LRP1B: variants seen among roughly 807,000 people sequenced by gnomAD.
The protein encoded by LRP1B is low-density lipoprotein receptor-related protein 1B.
A neutral mutation model predicts 556.6 loss-of-function variants in LRP1B; 217 were observed. The observed-to-expected ratio is 0.39, with a 90% confidence interval of 0.35 to 0.44. The LOEUF (loss-of-function observed/expected upper bound fraction) is 0.44. LRP1B is among the 20% of genes least tolerant of loss of function. LRP1B has a pLI of 1.00. For missense variants in LRP1B, 5,053 were observed against 5,620.8 expected (o/e 0.90, Z 3.23); for synonymous variants, 2,047 against 1,865.8 (o/e 1.10, Z -2.50).
intron 1 of LRP1B, among the ~76,000 whole-genome samples, chr2:141,913,572 A>C (rs1364918661): frequency 2.0e-5 from 3 of 151,992 alleles, no homozygotes; most frequent in Non-Finnish European, 2.9e-5. Flanking sequence ...TTCCTACCTC[A>C]TCTTAGCAGA....
At chr2:141,355,489 G>A (rs1209942728) in intron 3 of LRP1B, among the ~76,000 whole-genome samples, 4 of 151,714 alleles carry the variant, frequency 2.6e-5, no homozygotes, top group African/African-American at 9.7e-5. Flanking sequence ...CCATCCCCTG[G>A]CAACCACTAA....
intron 7 of LRP1B, among the ~76,000 whole-genome samples, chr2:141,083,587 G>A (rs1699977847): frequency 6.6e-6 from 1 of 152,160 alleles, no homozygotes; most frequent in African/African-American, 2.4e-5. Flanking sequence ...GATGTTAAAA[G>A]GTGATGCCTT....
intron 3 of LRP1B, among the ~76,000 whole-genome samples, chr2:141,405,026 G>A (rs1424060078): frequency 6.6e-6 from 1 of 152,028 alleles, no homozygotes; most frequent in Non-Finnish European, 1.5e-5. Context: ...CGGGGCGGCA[G>A]AGCTTGAAGT....
chr2:140,728,546 T>A (rs1049229796), intron 35 of LRP1B, among the ~76,000 whole-genome samples: 1 of 152,206 alleles, frequency 6.6e-6, no homozygotes, highest in South Asian at 2.1e-4. Flanking sequence ...TTCACTTTTA[T>A]TTTTCAGTAA....
intron 2 of LRP1B, among the ~76,000 whole-genome samples, chr2:141,760,481 A>G (rs958560298): frequency 6.6e-6 from 1 of 152,190 alleles, no homozygotes; most frequent in Non-Finnish European, 1.5e-5. Context: ...ATTTAAAGAA[A>G]TTTATTATTT....
At chr2:140,445,875 A>G (rs907651968) in intron 63 of LRP1B, among the ~76,000 whole-genome samples, 1 of 152,184 alleles carries the variant, frequency 6.6e-6, no homozygotes, top group Non-Finnish European at 1.5e-5. Context: ...ATTTTAATGC[A>G]TATTACTGAT....
intron 1 of LRP1B, among the ~76,000 whole-genome samples, chr2:141,896,080 T>A (rs1175636595): frequency 1.3e-5 from 2 of 152,156 alleles, no homozygotes; most frequent in African/African-American, 2.4e-5. Context: ...TTCCAAATAG[T>A]TCTTAGAGCT....
chr2:140,823,082 A>G (rs896662436), intron 31 of LRP1B, among the ~76,000 whole-genome samples: 1 of 152,218 alleles, frequency 6.6e-6, no homozygotes, highest in Non-Finnish European at 1.5e-5. Flanking sequence ...AAAGATCTCA[A>G]TAAGTGCATG....
chr2:141,633,334 G>T (rs530344799), intron 2 of LRP1B, among the ~76,000 whole-genome samples: 5 of 152,206 alleles, frequency 3.3e-5, no homozygotes, highest in Admixed American at 6.5e-5. Flanking sequence ...TATAAGGAAA[G>T]AACTATAAAC....
intron 41 of LRP1B, among the ~76,000 whole-genome samples, chr2:140,608,389 C>T (rs903032580): frequency 6.6e-6 from 1 of 152,162 alleles, no homozygotes; most frequent in African/African-American, 2.4e-5. Flanking sequence ...CTTCTTGTAG[C>T]CAAGGCATTG....
intron 7 of LRP1B, among the ~76,000 whole-genome samples, chr2:141,073,271 T>C (rs1330672543): frequency 6.6e-6 from 1 of 152,072 alleles, no homozygotes; most frequent in African/African-American, 2.4e-5. Context: ...TATTTTCATA[T>C]GGTTAAAACA....
intron 20 of LRP1B, among the ~76,000 whole-genome samples, chr2:140,940,018 T>C (rs1695350207): frequency 6.6e-6 from 1 of 151,730 alleles, no homozygotes; most frequent in East Asian, 2.0e-4. Context: ...CCAGAGTAGC[T>C]GAGACTACAG....
At chr2:141,248,357 T>C (rs570907697) in intron 4 of LRP1B, among the ~76,000 whole-genome samples, 1 of 152,276 alleles carries the variant, frequency 6.6e-6, no homozygotes, top group East Asian at 1.9e-4. Context: ...AATATAATTA[T>C]GATACTATAC....
chr2:140,851,905 G>A, intron 27 of LRP1B, 122 bp from the exon 28 acceptor site: 1 of 698,598 alleles, frequency 1.4e-6, no homozygotes, highest in East Asian at 3.0e-5. Flanking sequence ...GAACCCATTA[G>A]TAGGGTGATT....
chr2:140,345,124 G>A (rs1681586190), intron 77 of LRP1B, among the ~76,000 whole-genome samples: 1 of 151,664 alleles, frequency 6.6e-6, no homozygotes, highest in African/African-American at 2.4e-5. Context: ...ATTGTAGTGT[G>A]TTAAGCAGCA....
chr2:140,907,347 G>C (rs1175537310), intron 22 of LRP1B, among the ~76,000 whole-genome samples: 1 of 152,036 alleles, frequency 6.6e-6, no homozygotes, highest in Non-Finnish European at 1.5e-5. Flanking sequence ...ATTTTAACTA[G>C]ATAAGGCATA....
At chr2:141,849,503 T>C (rs1287415828) in intron 1 of LRP1B, among the ~76,000 whole-genome samples, 2 of 151,682 alleles carry the variant, frequency 1.3e-5, no homozygotes, top group Non-Finnish European at 3.0e-5. Flanking sequence ...TGTTCCATTT[T>C]TTAACTTTCA....
intron 7 of LRP1B, among the ~76,000 whole-genome samples, chr2:141,165,081 T>C (rs983924479): frequency 2.0e-5 from 3 of 152,028 alleles, no homozygotes; most frequent in African/African-American, 7.2e-5. Flanking sequence ...TAGATAGCTC[T>C]CGTTTAAAAC....
chr2:140,267,684 A>T (rs975915656), intron 86 of LRP1B, among the ~76,000 whole-genome samples: 2 of 151,786 alleles, frequency 1.3e-5, no homozygotes, highest in African/African-American at 2.4e-5. Context: ...ACGAATGTGG[A>T]GTGTGGGGAT....
Sources: gnomAD v4.1 joint callset for allele counts (sites outside exome capture counted in the v4.1 genomes callset) on GRCh38, gnomAD v4.1.1 for gene constraint, MANE v1.5 for transcripts, NCBI Gene and HGNC (gene_info 2026-07-23, HGNC 2026-07-21) for gene names.